The following FBXL17 variants were observed in gnomAD, a reference collection of about 807,000 sequenced individuals.
FBXL17 encodes F-box/LRR-repeat protein 17.
FBXL17 carries 22 observed loss-of-function variants against 66.2 expected under a neutral mutation model. The ratio of observed to expected loss-of-function variants is 0.33; its 90% CI spans 0.24 to 0.47. The LOEUF is 0.47. Among genes scored for constraint, FBXL17 ranks in the 20% least tolerant of loss-of-function variants. FBXL17 has a pLI of 1.00. For synonymous variants in FBXL17, 474 were observed against 400.5 expected (o/e 1.18, Z -2.19); for missense variants, 878 against 948.2 (o/e 0.93, Z 0.97).
At chr5:108,269,752 T>A (rs1027699542) in intron 4 of FBXL17, among the ~76,000 whole-genome samples, 1 of 152,022 alleles carries the variant, frequency 6.6e-6, no homozygotes, top group African/African-American at 2.4e-5. Context: ...TGTCTTGGAA[T>A]CCATAGTACC....
chr5:108,111,317 T>C (rs1750024368), intron 6 of FBXL17, among the ~76,000 whole-genome samples: 1 of 152,198 alleles, frequency 6.6e-6, no homozygotes, highest in Non-Finnish European at 1.5e-5. Flanking sequence ...AATTGTTTGA[T>C]ATGATAATTG....
intron 7 of FBXL17, among the ~76,000 whole-genome samples, chr5:107,896,185 C>T (rs528836012): frequency 5.3e-5 from 8 of 152,016 alleles, no homozygotes; most frequent in African/African-American, 9.6e-5. Flanking sequence ...AGAAGTATCC[C>T]GCATCATTAT....
chr5:108,192,319 T>C (rs540511731), intron 5 of FBXL17, among the ~76,000 whole-genome samples: 1 of 152,310 alleles, frequency 6.6e-6, no homozygotes, highest in Non-Finnish European at 1.5e-5. Context: ...ACAATCAAGA[T>C]CTAAATGTTT....
At chr5:108,082,217 T>C (rs1748799387) in intron 6 of FBXL17, among the ~76,000 whole-genome samples, 2 of 145,920 alleles carry the variant, frequency 1.4e-5, no homozygotes. Context: ...TCCCCTCTGG[T>C]AAAAAAAAAA....
At chr5:108,129,286 T>A (rs543152540) in intron 6 of FBXL17, among the ~76,000 whole-genome samples, 1 of 152,094 alleles carries the variant, frequency 6.6e-6, no homozygotes, top group Non-Finnish European at 1.5e-5. Flanking sequence ...TCAAGTATTA[T>A]GAAATCAATG....
Position 107,928,757 on chromosome 5 carries a change from T to C in FBXL17, c.1823-47578A>G, listed in dbSNP as rs1032881739. Among the ~76,000 whole-genome samples the C allele has an allele frequency of 9.9e-5, 15 of 152,180 alleles. No homozygotes were observed. The South Asian group carries it at 3.1e-3, about 31-fold the overall frequency. On this transcript the variant is annotated intron_variant, in intron 7 of 8. Coordinates refer to ENST00000542267, the MANE Select transcript of FBXL17 (RefSeq NM_001163315.3). ...CATGTATCCCTAATCTTTTGAGTCC[T>C]AGTCTTTCACTTGCTACCTAGCTGT...
intron 4 of FBXL17, among the ~76,000 whole-genome samples, chr5:108,291,321 T>C (rs781346593): frequency 2.2e-4 from 33 of 152,186 alleles, no homozygotes; most frequent in Non-Finnish European, 3.1e-4. Flanking sequence ...GCTAAAAAGT[T>C]AGGCATCCTC....
chr5:108,170,543 C>CT (rs1382791783), intron 6 of FBXL17, among the ~76,000 whole-genome samples: 7 of 151,510 alleles, frequency 4.6e-5, no homozygotes, highest in Admixed American at 6.6e-5. Context: ...TATTTTTTTC[C>CT]TTTTTTTGAG....
intron 6 of FBXL17, among the ~76,000 whole-genome samples, chr5:108,103,919 A>G (rs1163223327): frequency 6.6e-6 from 1 of 151,990 alleles, no homozygotes; most frequent in Non-Finnish European, 1.5e-5. Context: ...ATTCCCCTCT[A>G]CCCGCTATCC....
chr5:108,038,099 T>C (rs916166536), intron 6 of FBXL17, among the ~76,000 whole-genome samples: 8 of 152,036 alleles, frequency 5.3e-5, no homozygotes, highest in Admixed American at 3.9e-4. Flanking sequence ...CATGCAAAAA[T>C]AGGGAACGGG....
At chr5:108,234,509 A>C (rs1023905411) in intron 4 of FBXL17, among the ~76,000 whole-genome samples, 7 of 152,160 alleles carry the variant, frequency 4.6e-5, no homozygotes, top group African/African-American at 7.2e-5. Flanking sequence ...TTAGGATATG[A>C]TTCTTTTCAT....
chr5:108,352,054 G>C (rs1747689741), intron 3 of FBXL17, among the ~76,000 whole-genome samples: 1 of 152,252 alleles, frequency 6.6e-6, no homozygotes, highest in African/African-American at 2.4e-5. Context: ...TGAGAACCAT[G>C]TGGATGGCAT....
At chr5:108,259,183 A>T (rs990508911) in intron 4 of FBXL17, among the ~76,000 whole-genome samples, 2 of 152,214 alleles carry the variant, frequency 1.3e-5, no homozygotes, top group African/African-American at 2.4e-5. Flanking sequence ...GGAATTGAAG[A>T]GATCTGATAT....
chr5:107,949,183 T>TA (rs11380062), intron 7 of FBXL17, among the ~76,000 whole-genome samples: 121,589 of 142,082 alleles, frequency 0.86, 51,999 homozygotes, highest in Middle Eastern at 0.9. Flanking sequence ...ATGCACTTCA[T>TA]AAAAAAAAAA....
chr5:108,002,388 A>G (rs1352487834), intron 7 of FBXL17, among the ~76,000 whole-genome samples: 2 of 152,044 alleles, frequency 1.3e-5, no homozygotes, highest in Non-Finnish European at 2.9e-5. Flanking sequence ...TGTGCTCCAG[A>G]CTTGCCAAAA....
intron 4 of FBXL17, among the ~76,000 whole-genome samples, chr5:108,279,441 C>T (rs1026175402): frequency 2.0e-5 from 3 of 151,980 alleles, no homozygotes; most frequent in African/African-American, 7.3e-5. Context: ...ACCAGTAATG[C>T]TATTTAGCTA....
intron 3 of FBXL17, among the ~76,000 whole-genome samples, chr5:108,358,994 C>A (rs1748175883): frequency 6.6e-6 from 1 of 152,078 alleles, no homozygotes; most frequent in South Asian, 2.1e-4. Context: ...GCCTCAGGCT[C>A]ATGAGTAGCT....
chr5:108,010,412 G>A (rs960229044), intron 7 of FBXL17, among the ~76,000 whole-genome samples: 4 of 152,160 alleles, frequency 2.6e-5, no homozygotes, highest in African/African-American at 9.7e-5. Flanking sequence ...TTGGGTACAA[G>A]AAACTACAAG....
At chr5:107,980,656 A>ATTTTTTTTTTTTTTTTT (rs1561350444) in intron 7 of FBXL17, among the ~76,000 whole-genome samples, 3 of 76,936 alleles carry the variant, frequency 3.9e-5, no homozygotes, top group African/African-American at 2.5e-4. Flanking sequence ...ATATATATAT[A>ATTTTTTTTTTTTTTTTT]TATATATATT....
Sources: allele counts gnomAD v4.1 joint callset (sites outside exome capture counted in the v4.1 genomes callset), GRCh38; gene constraint gnomAD v4.1.1; transcripts MANE v1.5; gene names NCBI Gene and HGNC (gene_info 2026-07-23, HGNC 2026-07-21).